CDH10: variants seen among roughly 807,000 people sequenced by gnomAD.
CDH10 encodes the protein cadherin-10.
In CDH10, 30 loss-of-function variants were observed where a neutral mutation model predicts 73.1. That is an observed-to-expected ratio of 0.41 (90% CI 0.31 to 0.56). The LOEUF (loss-of-function observed/expected upper bound fraction) is 0.56. Ranked by LOEUF, CDH10 falls within the 20% of genes least tolerant of loss-of-function variation. CDH10 has a pLI of 0.27. For missense variants in CDH10, 815 were observed against 973.7 expected (o/e 0.84, Z 2.17); for synonymous variants, 345 against 348.2 (o/e 0.99, Z 0.10).
intron 1 of CDH10, among the ~76,000 whole-genome samples, chr5:24,596,959 A>C (rs1746391653): frequency 6.6e-6 from 1 of 152,006 alleles, no homozygotes; most frequent in African/African-American, 2.4e-5. Context: ...AATTATAATG[A>C]AAAGGAATCA....
intron 1 of CDH10, among the ~76,000 whole-genome samples, chr5:24,599,647 C>G (rs996967814): frequency 6.6e-5 from 10 of 152,018 alleles, no homozygotes; most frequent in African/African-American, 2.4e-4. Flanking sequence ...ACATACATGA[C>G]ACTCATTGGT....
At position 24,562,282 on chromosome 5, in the gene CDH10, A is replaced by T. The variant is rs929796297; in HGVS notation, c.232-24608T>A. ...AAACATTCCTCTTAAAGAGATTTAAACAGACTTAAATATGTCAAGAAGTAT... is the reference window on the plus strand; with the variant it reads ...AAACATTCCTCTTAAAGAGATTTAATCAGACTTAAATATGTCAAGAAGTAT... On this transcript the variant is annotated intron_variant, in intron 2 of 11. Coordinates refer to ENST00000264463, the MANE Select transcript of CDH10 (RefSeq NM_006727.5). 5.3e-5 allele frequency among the ~76,000 whole-genome samples: 8 copies of T among 152,072 alleles called. No individual in the cohort carries two copies. The South Asian group carries it at 1.2e-3, about 24-fold the overall frequency.
At chr5:24,542,613 G>A (rs147474721) in intron 2 of CDH10, among the ~76,000 whole-genome samples, 1 of 152,258 alleles carries the variant, frequency 6.6e-6, no homozygotes, top group Non-Finnish European at 1.5e-5. Context: ...GCCTAATGAT[G>A]CATTTCTCAG....
intron 1 of CDH10, among the ~76,000 whole-genome samples, 174 bp from the exon 2 acceptor site, chr5:24,593,787 T>C (rs1746281390): frequency 6.6e-6 from 1 of 151,952 alleles, no homozygotes; most frequent in Admixed American, 6.6e-5. Context: ...GCAATATGTC[T>C]ACAATGTACA....
rs1452893105 is a variant in CDH10, at chr5:24,491,785, C to T, written c.1667G>A (p.Arg556Lys). The change falls in exon 11 of 12, where the codon AGA becomes AAA. Residue 556 changes from arginine (R) to lysine (K), a missense_variant. Around this residue, in one of 3 missense-constraint regions of CDH10, gnomAD observed 516 missense variants for 636.6 expected, o/e 0.81. Coordinates refer to ENST00000264463, the MANE Select transcript of CDH10 (RefSeq NM_006727.5). Reference protein sequence around the residue: ...RILTRKNGFNRHEISTYLLPV... With the variant: ...RILTRKNGFNKHEISTYLLPV... ...CAAGAGATAGGTACTGATTTCATGTCTATTGAATCCATTTTTTCTGGTTAA... is the reference window on the plus strand; with the variant it reads ...CAAGAGATAGGTACTGATTTCATGTTTATTGAATCCATTTTTTCTGGTTAA... 6.2e-7 allele frequency: 1 copy of T among 1,603,724 alleles called. No homozygotes were observed. The highest frequency in any genetic ancestry group is 2.2e-5 in the East Asian group (1 of 44,780).
intron 2 of CDH10, among the ~76,000 whole-genome samples, chr5:24,584,044 T>G (rs192182717): frequency 5.1e-4 from 77 of 152,330 alleles, no homozygotes; most frequent in Non-Finnish European, 9.3e-4. Context: ...TCTTGATTCT[T>G]ACCACTAGAA....
At chr5:24,489,075 A>C (rs1741953500) in intron 11 of CDH10, among the ~76,000 whole-genome samples, 1 of 152,072 alleles carries the variant, frequency 6.6e-6, no homozygotes, top group Admixed American at 6.6e-5. Context: ...TTTGATCCTC[A>C]ACCTTTAAAA....
At position 24,504,523 on chromosome 5, in the gene CDH10, T is replaced by TG. The variant is rs2111720735; in HGVS notation, c.1393+588_1393+589insC. On this transcript the variant is annotated intron_variant, in intron 8 of 11. Coordinates refer to ENST00000264463, the MANE Select transcript of CDH10 (RefSeq NM_006727.5). ...CTATTAATCTTTTTTTTTTTTTTTT[T>TG]TTTTTTTTTTTTTTTTTTTTAAGAT... is the stretch of plus-strand genomic sequence containing the variant. Among the ~76,000 whole-genome samples the TG allele has an allele frequency of 1.6e-5, 2 of 122,118 alleles. 1 individual carries two copies. Among genetic ancestry groups the TG allele is most frequent in the African/African-American group, 6.0e-5 (2 of 33,418 alleles). The allele number at this position is 122,118 out of a possible 152,430, so 80.1% of individuals were successfully genotyped here. A position where few individuals can be genotyped will look rare whatever the true frequency, so the allele number is the denominator to read the frequency against.
At chr5:24,523,084 C>A (rs1031716848) in intron 5 of CDH10, among the ~76,000 whole-genome samples, 1 of 148,584 alleles carries the variant, frequency 6.7e-6, no homozygotes, top group East Asian at 2.0e-4. Context: ...ATACAGAAAA[C>A]GGGGATGGGG....
At chr5:24,596,729 T>C (rs984860704) in intron 1 of CDH10, among the ~76,000 whole-genome samples, 1 of 151,972 alleles carries the variant, frequency 6.6e-6, no homozygotes, top group African/African-American at 2.4e-5. Flanking sequence ...TAATAGACAA[T>C]TCTGAATAAT....
chr5:24,562,915 A>G (rs905333460), intron 2 of CDH10, among the ~76,000 whole-genome samples: 2 of 152,252 alleles, frequency 1.3e-5, no homozygotes, highest in Non-Finnish European at 2.9e-5. Flanking sequence ...GCAAGTTGTC[A>G]ACTTGATGAA....
chr5:24,632,511 A>C (rs1235023940), intron 1 of CDH10, among the ~76,000 whole-genome samples: 4 of 152,072 alleles, frequency 2.6e-5, no homozygotes, highest in African/African-American at 9.7e-5. Context: ...TGTTGACAGA[A>C]GGAGCATGGT....
At chr5:24,584,644 G>T (rs778110239) in intron 2 of CDH10, among the ~76,000 whole-genome samples, 3 of 146,422 alleles carry the variant, frequency 2.0e-5, no homozygotes, top group Non-Finnish European at 4.5e-5. Flanking sequence ...CTAATTTTTT[G>T]TATTTTAGTA....
At position 24,488,868 on chromosome 5, in the gene CDH10, C is replaced by A. The variant is rs187964187; in HGVS notation, c.1877-715G>T. Reference sequence around the variant, plus strand: ...CTCAAATTGCAATACTGAACTAACTCCCCCCAAAAATGTATGAATCTTGGC... The same window carrying A: ...CTCAAATTGCAATACTGAACTAACTACCCCCAAAAATGTATGAATCTTGGC... On this transcript the variant is annotated intron_variant, in intron 11 of 11. Transcript: ENST00000264463. Among the ~76,000 whole-genome samples the A allele has an allele frequency of 6.6e-4, 97 of 146,528 alleles. 1 individual carries two copies. The highest frequency in any genetic ancestry group is 3.9e-3 in the Middle Eastern group (1 of 258).
intron 1 of CDH10, among the ~76,000 whole-genome samples, chr5:24,616,435 G>A (rs1036728628): frequency 6.6e-5 from 10 of 151,582 alleles, no homozygotes; most frequent in Non-Finnish European, 1.2e-4. Context: ...TAGGTTAAAA[G>A]GTAAAAAAAG....
intron 5 of CDH10, among the ~76,000 whole-genome samples, chr5:24,522,805 T>G (rs571737149): frequency 6.6e-6 from 1 of 152,198 alleles, no homozygotes; most frequent in South Asian, 2.1e-4. Context: ...CTTTGACCTT[T>G]GGGAGCAATG....
Position 24,610,659 on chromosome 5 carries a change from T to A in CDH10, c.-123-17046A>T, listed in dbSNP as rs149183926. Among the ~76,000 whole-genome samples, 714 of 152,334 alleles carry A rather than the reference T, an allele frequency of 4.7e-3. 6 individuals carry two copies. The highest frequency in any genetic ancestry group is 0.016 in the African/African-American group (663 of 41,574). On this transcript the variant is annotated intron_variant, in intron 1 of 11. Transcript: ENST00000264463. ...TCTTCATACTAACATCAATAAATAT[T>A]TCCTGGCAATATTCTCATCCTTGGC...
chr5:24,561,512 G>A (rs1205282300), intron 2 of CDH10, among the ~76,000 whole-genome samples: 1 of 152,016 alleles, frequency 6.6e-6, no homozygotes, highest in Non-Finnish European at 1.5e-5. Flanking sequence ...GTGAGCCATC[G>A]TTCGCGACCC....
At chr5:24,493,802 G>C (rs1212762972) in intron 9 of CDH10, among the ~76,000 whole-genome samples, 1 of 151,806 alleles carries the variant, frequency 6.6e-6, no homozygotes, top group Admixed American at 6.6e-5. Flanking sequence ...TTAACTAAAA[G>C]CAATACACTT....
Sources: gnomAD v4.1 joint callset for allele counts (sites outside exome capture counted in the v4.1 genomes callset) on GRCh38, gnomAD v4.1.1 for gene constraint, gnomAD v4.1.1 regional missense constraint, MANE v1.5 for transcripts, NCBI Gene and HGNC (gene_info 2026-07-23, HGNC 2026-07-21) for gene names.